The following FGF13 variants were observed in gnomAD, a reference collection of about 807,000 sequenced individuals.
FGF13 encodes fibroblast growth factor homologous factor 2.
A neutral mutation model predicts 19.5 loss-of-function variants in FGF13; 2 were observed. The observed-to-expected ratio is 0.10, with a 90% confidence interval of 0.04 to 0.32. FGF13 has a LOEUF of 0.32. Among genes scored for constraint, FGF13 ranks in the 10% least tolerant of loss-of-function variants. The pLI, the probability that FGF13 is intolerant of heterozygous loss-of-function variation, is 1.00. For missense variants in FGF13, 113 were observed against 192.7 expected, an observed-to-expected ratio of 0.59 and a Z score of 2.45; for synonymous variants, 72 against 76.9, an observed-to-expected ratio of 0.94 and a Z score of 0.33.
At chrX:138,672,841 A>C (rs753825114) in intron 3 of FGF13, among the ~76,000 whole-genome samples, 1 of 111,544 alleles carries the variant, frequency 9.0e-6, no homozygotes, top group African/African-American at 3.3e-5. Context: ...AAGAACCAAT[A>C]AAGGAGACTT....
Position 138,629,475 on chromosome X carries a change from C to G in FGF13, c.*3375G>C, listed in dbSNP as rs1199984956. ...GATTGGATCCTCGGGGCGGTTTCCC[C>G]ATGCTGTCTCATATAGTGAGGAAGT... On this transcript the variant is annotated 3_prime_UTR_variant, in exon 5 of 5. Transcript: ENST00000315930. 1 of 110,704 alleles carries G rather than the reference C, an allele frequency of 9.0e-6. No individual in the cohort carries two copies. The highest frequency in any genetic ancestry group is 1.9e-5 in the Non-Finnish European group (1 of 52,960). The allele number at this position is 110,704 out of a possible 1,213,427, so 9.1% of individuals were successfully genotyped here. A position where few individuals can be genotyped will look rare whatever the true frequency, so the allele number is the denominator to read the frequency against.
At chrX:139,024,408 T>C (rs929007654) in intron 1 of FGF13, among the ~76,000 whole-genome samples, 4 of 110,996 alleles carry the variant, frequency 3.6e-5, no homozygotes, top group African/African-American at 1.3e-4. Flanking sequence ...GGAAGCTCCA[T>C]AGGGCTTCCC....
intron 1 of FGF13, among the ~76,000 whole-genome samples, chrX:139,147,151 T>C (rs2083897584): frequency 9.2e-6 from 1 of 108,701 alleles, no homozygotes; most frequent in African/African-American, 3.4e-5. Flanking sequence ...AAGAACTTAC[T>C]TGTGTAACTA....
At chrX:138,950,328 T>G (rs752064317) in intron 1 of FGF13, among the ~76,000 whole-genome samples, 43 of 112,455 alleles carry the variant, frequency 3.8e-4, no homozygotes, top group African/African-American at 1.3e-3. Context: ...ATATCTCACT[T>G]TAGTTTACTA....
rs150055962 is a variant in FGF13 at position 139,196,518 on chromosome X, C to T, written c.-113+6898G>A. 1.4e-4 allele frequency among the ~76,000 whole-genome samples: 16 copies of T among 112,289 alleles called. No homozygotes were observed. In the East Asian group the frequency reaches 4.5e-3, roughly 32 times the overall value. On this transcript the variant is annotated intron_variant, in intron 1 of 2. Transcript: ENST00000421460. ...CAGATTTTGTTTAACTGAACAAAGACCACAGCCCTGGAGCAACCATGTATT... is the reference window on the plus strand; with the variant it reads ...CAGATTTTGTTTAACTGAACAAAGATCACAGCCCTGGAGCAACCATGTATT...
In FGF13 at chrX:138,666,256, TGA is replaced by T. The variant is rs774091861; in HGVS notation, c.403-30603_403-30602del. 1.1e-4 allele frequency among the ~76,000 whole-genome samples: 12 copies of T among 111,101 alleles called. No homozygotes were observed. The East Asian group carries it at 1.4e-3, about 13-fold the overall frequency. On this transcript the variant is annotated intron_variant, in intron 3 of 4. Transcript: ENST00000315930. ...GCCTCATCAATAAGGATCCAATATCTGAGAGTTTTTTCTACATATAATACACT... is the reference window on the plus strand; with the variant it reads ...GCCTCATCAATAAGGATCCAATATCTGAGTTTTTTCTACATATAATACACT...
intron 1 of FGF13, among the ~76,000 whole-genome samples, chrX:139,149,359 C>T (rs1450940181): frequency 8.9e-6 from 1 of 112,015 alleles, no homozygotes; most frequent in Non-Finnish European, 1.9e-5. Flanking sequence ...AAAGGGAGGC[C>T]ACATGCCATG....
At chrX:138,643,138 A>C (rs141098624) in intron 3 of FGF13, among the ~76,000 whole-genome samples, 4,176 of 111,984 alleles carry the variant, frequency 0.037, 165 homozygotes, top group African/African-American at 0.13. Flanking sequence ...CAACCAATGG[A>C]CTGCTGAAAA....
At chrX:138,694,772 G>A (rs908253620) in intron 3 of FGF13, among the ~76,000 whole-genome samples, 1 of 109,747 alleles carries the variant, frequency 9.1e-6, no homozygotes, top group African/African-American at 3.3e-5. Context: ...CCACGTGCCC[G>A]GCCATGTTAA....
At chrX:138,637,035 A>C in intron 3 of FGF13, among the ~76,000 whole-genome samples, 1 of 111,505 alleles carries the variant, frequency 9.0e-6, no homozygotes, top group Non-Finnish European at 1.9e-5. Flanking sequence ...AATCTGCCTA[A>C]TCTCCCCCCA....
chrX:139,203,012 C>T (rs2084428159), intron 1 of FGF13, among the ~76,000 whole-genome samples: 1 of 112,407 alleles, frequency 8.9e-6, no homozygotes, highest in Non-Finnish European at 1.9e-5. Flanking sequence ...CCTCTCTGTG[C>T]CTCTCCGCAC....
At chrX:139,101,314 A>G (rs2124457643) in intron 1 of FGF13, among the ~76,000 whole-genome samples, 1 of 112,570 alleles carries the variant, frequency 8.9e-6, no homozygotes, top group East Asian at 2.8e-4. Context: ...CAATAAATCT[A>G]CTTTTTAATC....
chrX:138,647,219 GAAAAAAA>G (rs10543925), intron 3 of FGF13, among the ~76,000 whole-genome samples: 6 of 59,121 alleles, frequency 1.0e-4, no homozygotes, highest in Admixed American at 2.2e-4. Flanking sequence ...CATCTCTGGG[GAAAAAAA>G]AAAAAAAAAA....
chrX:139,169,665 G>A (rs986963354), intron 1 of FGF13, among the ~76,000 whole-genome samples: 3 of 110,664 alleles, frequency 2.7e-5, no homozygotes, highest in Non-Finnish European at 3.8e-5. Flanking sequence ...TCATGAATTC[G>A]GCCTGATTGG....
intron 1 of FGF13, among the ~76,000 whole-genome samples, chrX:138,942,376 C>A (rs1282915418): frequency 1.8e-5 from 2 of 111,936 alleles, no homozygotes; most frequent in African/African-American, 6.5e-5. Flanking sequence ...GCCCTCCAAA[C>A]AACCAGGGCT....
intron 1 of FGF13, among the ~76,000 whole-genome samples, chrX:138,947,547 A>C: frequency 8.9e-6 from 1 of 112,058 alleles, no homozygotes; most frequent in East Asian, 2.8e-4. Context: ...GTGTTTACCA[A>C]GTGGTGACTT....
At chrX:139,088,128 C>A (rs1022723646) in intron 1 of FGF13, among the ~76,000 whole-genome samples, 1 of 111,863 alleles carries the variant, frequency 8.9e-6, no homozygotes, top group East Asian at 2.8e-4. Context: ...GGCAGGTTTT[C>A]GAAAACATGC....
intron 1 of FGF13, among the ~76,000 whole-genome samples, chrX:139,134,697 T>C (rs1466714177): frequency 1.8e-5 from 2 of 112,130 alleles, no homozygotes; most frequent in African/African-American, 6.5e-5. Context: ...CATAGAGTCA[T>C]TAAACCCTTG....
intron 3 of FGF13, among the ~76,000 whole-genome samples, chrX:138,745,891 C>T (rs1481900116): frequency 9.0e-6 from 1 of 111,572 alleles, no homozygotes; most frequent in Non-Finnish European, 1.9e-5. Context: ...GAGGCTGTAC[C>T]AGGCCTGGCA....
Sources: allele counts gnomAD v4.1 joint callset (sites outside exome capture counted in the v4.1 genomes callset), GRCh38; gene constraint gnomAD v4.1.1; transcripts MANE v1.5; gene names NCBI Gene and HGNC (gene_info 2026-07-23, HGNC 2026-07-21).